The following REL variants were observed in gnomAD, a reference collection of about 807,000 sequenced individuals.
The protein encoded by REL is proto-oncogene c-Rel.
REL carries 15 observed loss-of-function variants against 45.9 expected under a neutral mutation model. The ratio of observed to expected loss-of-function variants is 0.33; its 90% CI spans 0.22 to 0.50. REL has a LOEUF of 0.50. Among genes scored for constraint, REL ranks in the 20% least tolerant of loss-of-function variants. The pLI, the probability that REL is intolerant of heterozygous loss-of-function variation, is 0.98. For missense variants in REL, 601 were observed against 715.2 expected (o/e 0.84, Z 1.82); for synonymous variants, 239 against 242.1 (o/e 0.99, Z 0.12).
At chr2:60,892,300 G>T (rs185201527) in intron 2 of REL, among the ~76,000 whole-genome samples, 17 of 152,016 alleles carry the variant, frequency 1.1e-4, no homozygotes, top group Non-Finnish European at 2.4e-4. Flanking sequence ...CTGATTCTCT[G>T]GGTCATTGAC....
At chr2:60,908,894 A>G (rs1421135902) in intron 4 of REL, among the ~76,000 whole-genome samples, 4 of 152,216 alleles carry the variant, frequency 2.6e-5, no homozygotes, top group Non-Finnish European at 2.9e-5. Context: ...CAGTTTAATA[A>G]GTAGTCTAAC....
intron 1 of REL, among the ~76,000 whole-genome samples, chr2:60,885,225 A>G (rs531932076): frequency 6.6e-6 from 1 of 152,272 alleles, no homozygotes; most frequent in Non-Finnish European, 1.5e-5. Flanking sequence ...TTCTCTGAAA[A>G]TGATTTTGTT....
Position 60,922,250 on chromosome 2 carries a change from T to C in REL, c.1479T>C (p.Asn493=), listed in dbSNP as rs1267784548. The change falls in exon 10 of 10, where the codon AAT becomes AAC. Residue 493 remains asparagine (N), a synonymous_variant. Transcript: ENST00000394479. ...LSMNLENPSC[N]SVLDPRDLRQ... Reference sequence around the variant, plus strand: ...TGAATCTTGAAAACCCCTCATGTAATTCAGTGTTAGACCCAAGAGACTTGA... The same window carrying C: ...TGAATCTTGAAAACCCCTCATGTAACTCAGTGTTAGACCCAAGAGACTTGA... 1.9e-6 allele frequency: 3 copies of C among 1,614,194 alleles called. No individual in the cohort carries two copies. The South Asian group carries it at 3.3e-5, about 18-fold the overall frequency.
rs777155689 is a variant in REL, at chr2:60,917,056, G to GT, written c.535+45dup. 99 of 1,535,542 alleles carry GT rather than the reference G, an allele frequency of 6.4e-5. No homozygotes were observed. The African/African-American group carries it at 1.3e-3, about 20-fold the overall frequency. ...TTTCTTATATTTGTAGTCTTAACTT[G>GT]TTTTTTGTAATAGTTTAATTCTTAA... On this transcript the variant is annotated intron_variant, in intron 5 of 9. Coordinates refer to ENST00000394479, the MANE Select transcript of REL (RefSeq NM_001291746.2).
In REL at chr2:60,919,971, ATTTG is replaced by A. The variant is rs1674092319; in HGVS notation, c.854-66_854-63del. 4.2e-5 allele frequency: 40 copies of A among 956,610 alleles called. No homozygotes were observed. The South Asian group carries it at 5.5e-4, about 13-fold the overall frequency. 59.3% of individuals were successfully genotyped at this position (956,610 alleles called of 1,614,324 possible). ...AACATTTTCTATATGTGAATAAAAT[ATTTG>A]TTTATTAAAGGAGAGGATACAATCC... On this transcript the variant is annotated intron_variant, in intron 7 of 9. Transcript: ENST00000394479.
intron 3 of REL, among the ~76,000 whole-genome samples, chr2:60,895,182 C>T (rs34023434): frequency 0.12 from 17,706 of 151,016 alleles, 1,389 homozygotes; most frequent in Non-Finnish European, 0.16. Context: ...TTATAGTTAA[C>T]TTATTATTAT....
At chr2:60,906,346 G>A (rs543136297) in intron 4 of REL, among the ~76,000 whole-genome samples, 1 of 151,938 alleles carries the variant, frequency 6.6e-6, no homozygotes, top group Non-Finnish European at 1.5e-5. Context: ...TTTCTCTCTT[G>A]CATTGTTAGT....
At position 60,920,589 on chromosome 2, in the gene REL, G is replaced by A. The variant is rs377113643; in HGVS notation, c.938G>A (p.Arg313Lys). Residue 313 changes from arginine (R) to lysine (K), a missense_variant, in exon 9 of 10, where the codon AGA (arginine) becomes AAA (lysine). Arg to Lys is a conservative substitution (Grantham distance 26). This residue lies in a region of REL where 334 missense variants were observed against 333.1 expected (regional missense o/e 1.00). Transcript: ENST00000394479. Reference sequence around the variant, plus strand: ...ATCCTAACAGTTAATTTTCCTGAGAGACCAAGACCTGGTCTCCTCGGTTCA... The same window carrying A: ...ATCCTAACAGTTAATTTTCCTGAGAAACCAAGACCTGGTCTCCTCGGTTCA... ...LCQDHVNFPE[R>K]PRPGLLGSIG... 12 of 1,601,734 alleles carry A rather than the reference G, an allele frequency of 7.5e-6. No homozygotes were observed. Among genetic ancestry groups the A allele is most frequent in the African/African-American group, 1.3e-5 (1 of 74,572 alleles).
chr2:60,921,252 T>C (rs978654329), intron 9 of REL, among the ~76,000 whole-genome samples: 7 of 152,164 alleles, frequency 4.6e-5, no homozygotes, highest in Admixed American at 2.0e-4. Flanking sequence ...AGAATTAATT[T>C]TTTCTGTAAT....
At position 60,898,473 on chromosome 2, in the gene REL, C is replaced by T. The variant is rs115633521; in HGVS notation, c.303-2519C>T. Among the ~76,000 whole-genome samples, 500 of 152,220 alleles carry T rather than the reference C, an allele frequency of 3.3e-3. 6 individuals are homozygous for T. Among genetic ancestry groups the T allele is most frequent in the African/African-American group, 0.012 (479 of 41,522 alleles). On this transcript the variant is annotated intron_variant, in intron 3 of 9. Transcript: ENST00000394479. ...TCTTTGTGTGGCCTGTTCCTTTTGC[C>T]TGGAAGTGTTTTTCTTCTGTTCCAG...
intron 4 of REL, among the ~76,000 whole-genome samples, chr2:60,913,325 A>G (rs935643965): frequency 9.2e-5 from 14 of 152,148 alleles, no homozygotes; most frequent in African/African-American, 3.4e-4. Flanking sequence ...TTAAGATAAA[A>G]TACCAGTCAT....
intron 1 of REL, among the ~76,000 whole-genome samples, chr2:60,883,163 G>T (rs932107563): frequency 6.6e-6 from 1 of 152,030 alleles, no homozygotes; most frequent in African/African-American, 2.4e-5. Context: ...ATGAAGAGGG[G>T]GCCCCGTTTA....
At chr2:60,912,405 T>TA (rs1410998286) in intron 4 of REL, among the ~76,000 whole-genome samples, 6 of 152,216 alleles carry the variant, frequency 3.9e-5, no homozygotes, top group African/African-American at 1.4e-4. Context: ...CGTAGAAACT[T>TA]AACTCTTATT....
Position 60,922,726 on chromosome 2 carries a change from A to G in REL, c.*191A>G. The stretch of plus-strand genomic sequence containing the variant: ...GCATACAACTTTGGACATAGCGAAT[A>G]CAAAATTGGAAGCTGTCATAAAAAG... On this transcript the variant is annotated 3_prime_UTR_variant, in exon 10 of 10. Transcript: ENST00000394479. 8.3e-7 allele frequency: 1 copy of G among 1,200,968 alleles called. No homozygotes were observed. Among genetic ancestry groups the G allele is most frequent in the Non-Finnish European group, 1.0e-6 (1 of 966,676 alleles). The allele number at this position is 1,200,968 out of a possible 1,614,324, so 74.4% of individuals were successfully genotyped here.
Position 60,923,166 on chromosome 2 carries a change from A to T in REL, c.*631A>T, listed in dbSNP as rs1433109234. 2.0e-5 allele frequency: 4 copies of T among 199,602 alleles called. No individual in the cohort carries two copies. The highest frequency in any genetic ancestry group is 9.2e-5 in the African/African-American group (4 of 43,414). The allele number at this position is 199,602 out of a possible 1,614,324, so 12.4% of individuals were successfully genotyped here. A position where few individuals can be genotyped will look rare whatever the true frequency, so the allele number is the denominator to read the frequency against. On this transcript the variant is annotated 3_prime_UTR_variant, in exon 10 of 10. Coordinates refer to ENST00000394479, the MANE Select transcript of REL (RefSeq NM_001291746.2). Reference sequence around the variant, plus strand: ...AATGGCTATGCCATTGAAAAACTTAATTTTTTATTTTTGAGGCCCATGGGC... The same window carrying T: ...AATGGCTATGCCATTGAAAAACTTATTTTTTTATTTTTGAGGCCCATGGGC...
intron 8 of REL, 24 bp from the exon 9 acceptor site, chr2:60,920,550 A>G (rs199769255): frequency 2.6e-6 from 4 of 1,532,744 alleles, no homozygotes; most frequent in Non-Finnish European, 9.0e-7. Flanking sequence ...GACATTTAAT[A>G]ATGGAAAAAC....
chr2:60,916,713 A>G (rs1673970791), intron 4 of REL, among the ~76,000 whole-genome samples, 164 bp from the exon 5 acceptor site: 1 of 152,212 alleles, frequency 6.6e-6, no homozygotes. Flanking sequence ...TTACTTGATA[A>G]GAATGATAAA....
chr2:60,894,710 T>C (rs1236704230), intron 3 of REL, among the ~76,000 whole-genome samples, 165 bp downstream of exon 3: 2 of 152,184 alleles, frequency 1.3e-5, no homozygotes, highest in Non-Finnish European at 2.9e-5. Flanking sequence ...GAACTACCCT[T>C]TCATTCTTTA....
In REL at chr2:60,922,571, A is replaced by T; in HGVS notation, c.*36A>T. Reference sequence around the variant, plus strand: ...TTAAATCCTTTTAAATCTTGATACCACCTATATAGATGCAGCATTTTGTAT... The same window carrying T: ...TTAAATCCTTTTAAATCTTGATACCTCCTATATAGATGCAGCATTTTGTAT... On this transcript the variant is annotated 3_prime_UTR_variant, in exon 10 of 10. Transcript: ENST00000394479. The T allele has an allele frequency of 6.5e-7, 1 of 1,529,888 alleles. No homozygotes were observed. Among genetic ancestry groups the T allele is most frequent in the Non-Finnish European group, 8.8e-7 (1 of 1,139,860 alleles). The allele number at this position is 1,529,888 out of a possible 1,614,324, so 94.8% of individuals were successfully genotyped here. A position where few individuals can be genotyped will look rare whatever the true frequency, so the allele number is the denominator to read the frequency against.
Sources: allele counts gnomAD v4.1 joint callset (sites outside exome capture counted in the v4.1 genomes callset), GRCh38; gene constraint gnomAD v4.1.1; regional missense constraint gnomAD v4.1.1; transcripts MANE v1.5; gene names NCBI Gene and HGNC (gene_info 2026-07-23, HGNC 2026-07-21).